Variants in SLC2A3 observed in about 807,000 individuals in gnomAD.
SLC2A3 encodes solute carrier family 2 member 3, also known as solute carrier family 2, facilitated glucose transporter member 3.
A neutral mutation model predicts 46.4 loss-of-function variants in SLC2A3; 21 were observed. The observed-to-expected ratio is 0.45, with a 90% CI of 0.32 to 0.65. SLC2A3 has a LOEUF of 0.65. Among genes scored for constraint, SLC2A3 ranks in the 30% least tolerant of loss-of-function variants. SLC2A3 has a pLI of 0.04. For missense variants in SLC2A3, 499 were observed against 623.3 expected, an observed-to-expected ratio of 0.80 and a Z score of 2.12; for synonymous variants, 213 against 239.4, an observed-to-expected ratio of 0.89 and a Z score of 1.02.
intron 3 of SLC2A3, 128 bp downstream of exon 3, chr12:7,932,857 TAG>T (rs1946171582): frequency 7.3e-7 from 1 of 1,367,942 alleles, no homozygotes; most frequent in South Asian, 1.4e-5. Context: ...CCAGTTGGAC[TAG>T]GTTTCCCTTG....
At position 7,925,769 on chromosome 12, in the gene SLC2A3, T is replaced by A. The variant is rs1283432084; in HGVS notation, c.966+75A>T. ...AAAAGGTAACTAAATGATGGTAGGG[T>A]CATGCAATCCATCTTTGAACATCTG... On this transcript the variant is annotated intron_variant, in intron 7 of 9. Coordinates refer to ENST00000075120, the MANE Select transcript of SLC2A3 (RefSeq NM_006931.3). 15 of 1,131,088 alleles carry A rather than the reference T, an allele frequency of 1.3e-5. No individual in the cohort carries two copies. The East Asian group carries it at 3.5e-4, about 27-fold the overall frequency. The allele number at this position is 1,131,088 out of a possible 1,614,324, so 70.1% of individuals were successfully genotyped here.
rs749805787 is a variant in SLC2A3 at position 7,933,262 on chromosome 12, T to C, written c.109-115A>G. 172 of 1,131,150 alleles carry C rather than the reference T, an allele frequency of 1.5e-4. 2 individuals are homozygous for C. In the South Asian group the frequency reaches 2.4e-3, roughly 16 times the overall value. 70.1% of individuals were successfully genotyped at this position (1,131,150 alleles called of 1,614,324 possible). ...AATCAAGGGAATAAATAGACAGGAA[T>C]GGAAGGGGCAGATAACGTATTGGAA... On this transcript the variant is annotated intron_variant, in intron 2 of 9. Transcript: ENST00000075120.
Position 7,931,380 on chromosome 12 carries a change from C to G in SLC2A3, c.375G>C (p.Leu125Phe). 6.2e-7 allele frequency: 1 copy of G among 1,614,140 alleles called. No homozygotes were observed. The highest frequency in any genetic ancestry group is 1.3e-5 in the African/African-American group (1 of 75,048). Residue 125 changes from leucine (L) to phenylalanine (F), a missense_variant, in exon 4 of 10, where the codon TTG becomes TTC. By Grantham distance (22) the Leu-to-Phe change is conservative. Around this residue, in one of 5 missense-constraint regions of SLC2A3, gnomAD observed 248 missense variants for 284.0 expected, o/e 0.87. Coordinates refer to ENST00000075120, the MANE Select transcript of SLC2A3 (RefSeq NM_006931.3). ...KSVEMLILGR[L>F]VIGLFCGLCT... ...AGAGTCCGCAGAAGAGGCCAATAAC[C>G]AAGCGACCCAGGATCAGCATTTCAA... is the stretch of plus-strand genomic sequence containing the variant.
Position 7,930,760 on chromosome 12 carries a change from TTG to T in SLC2A3, c.511-120_511-119del, listed in dbSNP as rs1946143439. On this transcript the variant is annotated intron_variant, in intron 4 of 9. Coordinates refer to ENST00000075120, the MANE Select transcript of SLC2A3 (RefSeq NM_006931.3). The stretch of plus-strand genomic sequence containing the variant: ...TTTACCATGTGAAAAAATAAACAAA[TTG>T]TGTTTCTTTTCCTTTCTCTACTCAG... 6.1e-6 allele frequency: 7 copies of T among 1,139,146 alleles called. No homozygotes were observed. The South Asian group carries it at 1.2e-4, about 20-fold the overall frequency. The allele number at this position is 1,139,146 out of a possible 1,614,324, so 70.6% of individuals were successfully genotyped here. A position where few individuals can be genotyped will look rare whatever the true frequency, so the allele number is the denominator to read the frequency against.
chr12:7,927,131 T>C (rs1250616532), intron 6 of SLC2A3, among the ~76,000 whole-genome samples: 4 of 152,160 alleles, frequency 2.6e-5, no homozygotes, highest in Non-Finnish European at 5.9e-5. Flanking sequence ...GTACGTAAGA[T>C]GTAAACTATG....
At position 7,929,647 on chromosome 12, in the gene SLC2A3, C is replaced by T. The variant is rs373980482; in HGVS notation, c.861+37G>A. ...CATGCCCGGCATTTTAAGTGAAATA[C>T]TTTAAGACACGTTTGACCCTAAAGT... On this transcript the variant is annotated intron_variant, in intron 6 of 9. Coordinates refer to ENST00000075120, the MANE Select transcript of SLC2A3 (RefSeq NM_006931.3). 1.9e-4 allele frequency: 307 copies of T among 1,593,072 alleles called. 2 individuals are homozygous for T. The highest frequency in any genetic ancestry group is 3.0e-4 in the East Asian group (13 of 43,140).
At chr12:7,931,594 T>C in intron 3 of SLC2A3, 109 bp from the exon 4 acceptor site, 1 of 1,476,500 alleles carries the variant, frequency 6.8e-7, no homozygotes, top group Non-Finnish European at 9.1e-7. Flanking sequence ...TCCCTTTTTT[T>C]TTTAATCTAA....
In SLC2A3 at chr12:7,932,995, G is replaced by A; in HGVS notation, c.261C>T (p.Arg87=). The A allele has an allele frequency of 6.2e-7, 1 of 1,614,074 alleles. No homozygotes were observed. Among genetic ancestry groups the A allele is most frequent in the Non-Finnish European group, 8.5e-7 (1 of 1,180,006 alleles). ...CAGTTTCTAGTCAATACCTGCCAAA[G>A]CGGTTGACGAAGAGTCCGACGGAAA... The part of the protein sequence containing the change: ...GSFSVGLFVN[R]FGRRNSMLIV... The change falls in exon 3 of 10, where the codon CGC becomes CGT. Residue 87 remains arginine, a synonymous_variant. Coordinates refer to ENST00000075120, the MANE Select transcript of SLC2A3 (RefSeq NM_006931.3).
At chr12:7,927,580 G>C (rs1354634728) in intron 6 of SLC2A3, among the ~76,000 whole-genome samples, 1 of 152,076 alleles carries the variant, frequency 6.6e-6, no homozygotes, top group Admixed American at 6.6e-5. Context: ...TGCAAAGTAG[G>C]TTGGAAAAGT....
chr12:7,922,974 A>G lies in SLC2A3; in HGVS notation c.1119T>C (p.Phe373=). ...CTGGTCCAATTTCAAAGAAGGCTAC[A>G]AAGACCAAGATAGCCCCAATACAGA... ...SFVCIGAILV[F]VAFFEIGPGP... The change falls in exon 9 of 10, where the codon TTT becomes TTC. Residue 373 remains phenylalanine, a synonymous_variant. Transcript: ENST00000075120. 1 of 1,614,122 alleles carries G rather than the reference A, an allele frequency of 6.2e-7. No individual in the cohort carries two copies. Among genetic ancestry groups the G allele is most frequent in the Non-Finnish European group, 8.5e-7 (1 of 1,180,018 alleles).
intron 6 of SLC2A3, chr12:7,929,399 A>C (rs1315603966): frequency 4.8e-6 from 2 of 413,480 alleles, no homozygotes; most frequent in Non-Finnish European, 8.6e-6. Flanking sequence ...ACTAGTTGTA[A>C]AAACAGACTG....
rs148047681 is a variant in SLC2A3, at chr12:7,935,308, C to T, written c.15+712G>A. Among the ~76,000 whole-genome samples, 87 of 152,106 alleles carry T rather than the reference C, an allele frequency of 5.7e-4. 1 individual carries two copies. Among genetic ancestry groups the T allele is most frequent in the African/African-American group, 2.0e-3 (83 of 41,506 alleles). On this transcript the variant is annotated intron_variant, in intron 1 of 9. Transcript: ENST00000075120. ...TCTCTACTAAAAATACAAAATTAGCCGGGCCCGGTGGTTCATGCCTGTAAT... is the reference window on the plus strand; with the variant it reads ...TCTCTACTAAAAATACAAAATTAGCTGGGCCCGGTGGTTCATGCCTGTAAT...
chr12:7,927,183 C>T (rs1207929744), intron 6 of SLC2A3, among the ~76,000 whole-genome samples: 2 of 152,066 alleles, frequency 1.3e-5, no homozygotes, highest in Admixed American at 1.3e-4. Flanking sequence ...TGTTTTGAAA[C>T]TGAGATTTGT....
chr12:7,933,433 G>GT (rs1946179412), intron 2 of SLC2A3: 1 of 506,248 alleles, frequency 2.0e-6, no homozygotes. Flanking sequence ...AATACAGGAT[G>GT]TGCATCACTA....
At chr12:7,932,701 C>A in intron 3 of SLC2A3, 1 of 329,918 alleles carries the variant, frequency 3.0e-6, no homozygotes, top group East Asian at 4.9e-5. Flanking sequence ...TTTCTAGAAA[C>A]CCCATAGTTG....
At position 7,922,814 on chromosome 12, in the gene SLC2A3, T is replaced by G; in HGVS notation, c.1272+7A>C. 1 of 1,614,008 alleles carries G rather than the reference T, an allele frequency of 6.2e-7. No individual in the cohort carries two copies. The highest frequency in any genetic ancestry group is 1.1e-5 in the South Asian group (1 of 91,078). ...GGCTGGTTTTAAGATAAGGTGAGTT[T>G]ACTTACAGCAGCGGAGGGGAAGAGC... is the stretch of plus-strand genomic sequence containing the variant. On this transcript the variant is annotated splice_region_variant and intron_variant, in intron 9 of 9. Transcript: ENST00000075120.
chr12:7,926,023 A>C (rs1442292803), intron 6 of SLC2A3, 75 bp from the exon 7 acceptor site: 4 of 1,290,580 alleles, frequency 3.1e-6, no homozygotes, highest in Non-Finnish European at 4.5e-6. Context: ...AAATAAACTT[A>C]AAAGTCCCAG....
At chr12:7,925,058 C>T (rs1468062363) in intron 7 of SLC2A3, among the ~76,000 whole-genome samples, 2 of 152,300 alleles carry the variant, frequency 1.3e-5, no homozygotes, top group Non-Finnish European at 2.9e-5. Flanking sequence ...CCCGTGGAAG[C>T]TGACAGGAAG....
intron 7 of SLC2A3, chr12:7,925,221 G>A (rs1355323207): frequency 6.6e-6 from 1 of 152,494 alleles, no homozygotes; most frequent in African/African-American, 2.4e-5. Context: ...ATCAAACTAG[G>A]AAACAATTTT....
Sources: allele counts gnomAD v4.1 joint callset (sites outside exome capture counted in the v4.1 genomes callset), GRCh38; gene constraint gnomAD v4.1.1; regional missense constraint gnomAD v4.1.1; transcripts MANE v1.5; gene names NCBI Gene and HGNC (gene_info 2026-07-23, HGNC 2026-07-21).